Variants in DZIP3 observed in about 807,000 individuals in gnomAD.
DZIP3 encodes DAZ interacting zinc finger protein 3.
DZIP3 carries 118 observed loss-of-function variants against 162.0 expected under a neutral mutation model. The observed-to-expected ratio is 0.73, with a 90% CI of 0.63 to 0.85. The LOEUF is 0.85. Ranked by LOEUF, DZIP3 falls within the 40% of genes least tolerant of loss-of-function variation. The pLI, the probability that DZIP3 is intolerant of heterozygous loss-of-function variation, is 0.00. For synonymous variants in DZIP3, 438 were observed against 458.6 expected (o/e 0.96, Z 0.57); for missense variants, 1,331 against 1,407.0 (o/e 0.95, Z 0.86).
chr3:108,636,664 G>A lies in DZIP3; in HGVS notation c.967G>A (p.Val323Ile). 1.3e-6 allele frequency: 2 copies of A among 1,585,866 alleles called. No individual in the cohort carries two copies. Among genetic ancestry groups the A allele is most frequent in the Non-Finnish European group, 1.7e-6 (2 of 1,171,076 alleles). ...CLKEGCTGDM[V>I]RMLQCDVPGI... is the part of the protein sequence containing the mutation. ...GAAGGAAGGATGTACAGGTGACATG[G>A]TAAGGATGCTGCAATGTGATGTACC... Residue 323 changes from valine to isoleucine, a missense_variant, in exon 11 of 33, where the codon GTA becomes ATA. Physicochemically the swap from Val to Ile is conservative, Grantham distance 29. This residue lies in a region of DZIP3 where 1,278 missense variants were observed against 1,317.1 expected (regional missense o/e 0.97). Coordinates refer to ENST00000361582, the MANE Select transcript of DZIP3 (RefSeq NM_014648.4).
chr3:108,681,736 A>ATAGTCCAGTCTATCCATTGT (rs1559783248), intron 26 of DZIP3, among the ~76,000 whole-genome samples: 3 of 144,294 alleles, frequency 2.1e-5, no homozygotes, highest in Admixed American at 6.7e-5. Context: ...TACACCATGG[A>ATAGTCCAGTCTATCCATTGT]ATACTCTGCC....
intron 1 of DZIP3, among the ~76,000 whole-genome samples, chr3:108,603,923 G>T (rs1940175866): frequency 6.6e-6 from 1 of 152,076 alleles, no homozygotes; most frequent in Non-Finnish European, 1.5e-5. Flanking sequence ...CAGACCTCAG[G>T]GTGTTTTAGA....
intron 26 of DZIP3, among the ~76,000 whole-genome samples, chr3:108,680,796 G>A (rs1356958145): frequency 6.6e-6 from 1 of 151,976 alleles, no homozygotes; most frequent in Non-Finnish European, 1.5e-5. Flanking sequence ...CAGAAATAAC[G>A]CCACACATTT....
chr3:108,661,149 G>A (rs1477593165), intron 19 of DZIP3, among the ~76,000 whole-genome samples: 1 of 152,246 alleles, frequency 6.6e-6, no homozygotes, highest in Non-Finnish European at 1.5e-5. Context: ...ATACCCAAAG[G>A]ATTATAAATC....
intron 8 of DZIP3, among the ~76,000 whole-genome samples, chr3:108,631,043 A>ACTCTCTCTCTCTCT: frequency 1.1e-5 from 1 of 90,292 alleles, no homozygotes; most frequent in African/African-American, 5.1e-5. Context: ...ACACACACAC[A>ACTCTCTCTCTCTCT]CACACACACA....
rs564059785 is a variant in DZIP3, at chr3:108,616,648, C to T, written c.366C>T (p.Gly122=). The change falls in exon 5 of 33, where the codon GGC becomes GGT. Residue 122 remains glycine, a synonymous_variant. Transcript: ENST00000361582. The part of the protein sequence containing the change: ...LEAALRNIQA[G]NYTAHQINIG... ...CAGCACTTAGGAACATTCAAGCTGG[C>T]AATTATACCGTAAGTGTTTTCTTTT... 9.5e-6 allele frequency: 15 copies of T among 1,579,704 alleles called. No individual in the cohort carries two copies. The highest frequency in any genetic ancestry group is 2.4e-5 in the East Asian group (1 of 42,116).
At chr3:108,634,564 A>C (rs927576860) in intron 9 of DZIP3, among the ~76,000 whole-genome samples, 3 of 152,090 alleles carry the variant, frequency 2.0e-5, no homozygotes, top group African/African-American at 7.2e-5. Flanking sequence ...GAAGATGGGT[A>C]GGTAGCATGT....
chr3:108,678,003 T>C (rs1049382090), intron 26 of DZIP3, among the ~76,000 whole-genome samples: 1 of 152,004 alleles, frequency 6.6e-6, no homozygotes, highest in Non-Finnish European at 1.5e-5. Flanking sequence ...AGCAAAACTT[T>C]ATCTGTATGT....
intron 25 of DZIP3, among the ~76,000 whole-genome samples, chr3:108,676,682 G>A (rs1944122811): frequency 6.6e-6 from 1 of 151,698 alleles, no homozygotes; most frequent in Non-Finnish European, 1.5e-5. Context: ...CTCCCTTGGG[G>A]GTTTTCACTG....
chr3:108,686,540 G>C lies in DZIP3; in HGVS notation c.3105G>C (p.Glu1035Asp). ...LRSDPSIMNWERITDRLKTAF... is the reference protein window; with the variant it reads ...LRSDPSIMNWDRITDRLKTAF... ...GTGATCCCTCCATCATGAATTGGGA[G>C]AGAATTACAGACAGGCTGAAAACTG... The change falls in exon 28 of 33, where the codon GAG becomes GAC. Residue 1035 changes from glutamate to aspartate, a missense_variant. Physicochemically the swap from Glu to Asp is conservative, Grantham distance 45 (BLOSUM62 2). This residue lies in a region of DZIP3 where 1,278 missense variants were observed against 1,317.1 expected (regional missense o/e 0.97). Coordinates refer to ENST00000361582, the MANE Select transcript of DZIP3 (RefSeq NM_014648.4). 2 of 1,611,414 alleles carry C rather than the reference G, an allele frequency of 1.2e-6. No homozygotes were observed. Among genetic ancestry groups the C allele is most frequent in the South Asian group, 1.1e-5 (1 of 90,668 alleles).
At position 108,631,053 on chromosome 3, in the gene DZIP3, A is replaced by ACT. The variant is rs1559741298; in HGVS notation, c.696+1878_696+1879insTC. Reference sequence around the variant, plus strand: ...CACACACACACACACACACACACACACACTCTCTCTCTCTCTCTCTCTCTC... The same window carrying ACT: ...CACACACACACACACACACACACACACTCACTCTCTCTCTCTCTCTCTCTCTC... On this transcript the variant is annotated intron_variant, in intron 8 of 32. Transcript: ENST00000361582. 8.4e-4 allele frequency among the ~76,000 whole-genome samples: 27 copies of ACT among 32,286 alleles called. No homozygotes were observed. The East Asian group carries it at 0.01, about 12-fold the overall frequency. 21.2% of individuals were successfully genotyped at this position (32,286 alleles called of 152,430 possible).
chr3:108,675,771 C>G lies in DZIP3; in HGVS notation c.2694-15C>G. The G allele has an allele frequency of 6.3e-7, 1 of 1,588,712 alleles. No individual in the cohort carries two copies. Among genetic ancestry groups the G allele is most frequent in the Non-Finnish European group, 8.5e-7 (1 of 1,171,710 alleles). On this transcript the variant is annotated splice_polypyrimidine_tract_variant and intron_variant, in intron 24 of 32. Transcript: ENST00000361582. ...AAAGAAAGAGTTTTCTTTTGTGTCT[C>G]CTTTTCTACAACAGCAACCTAGAAT... is the stretch of plus-strand genomic sequence containing the variant.
At chr3:108,662,011 G>A in intron 20 of DZIP3, 39 bp downstream of exon 20, 1 of 1,597,558 alleles carries the variant, frequency 6.3e-7, no homozygotes, top group Non-Finnish European at 8.5e-7. Context: ...GAAGTGAGAA[G>A]TATTTCAAAT....
chr3:108,591,431 C>T (rs1939412931), intron 1 of DZIP3, among the ~76,000 whole-genome samples: 1 of 152,224 alleles, frequency 6.6e-6, no homozygotes, highest in South Asian at 2.1e-4. Flanking sequence ...AGCATCGTCC[C>T]CATTCAGAGG....
intron 12 of DZIP3, among the ~76,000 whole-genome samples, chr3:108,638,806 A>G (rs1942268551): frequency 6.6e-6 from 1 of 152,202 alleles, no homozygotes. Context: ...CAAAAATTGG[A>G]ATATATAACT....
chr3:108,639,446 C>A (rs1019149163), intron 12 of DZIP3, among the ~76,000 whole-genome samples: 1 of 152,128 alleles, frequency 6.6e-6, no homozygotes, highest in Non-Finnish European at 1.5e-5. Context: ...GATCTTTTGG[C>A]CTTAGTTGAG....
At chr3:108,634,794 A>G (rs765759570) in intron 9 of DZIP3, 77 bp from the exon 10 acceptor site, 34 of 722,860 alleles carry the variant, frequency 4.7e-5, no homozygotes, top group East Asian at 2.6e-4. Flanking sequence ...ATAATTTTTA[A>G]AGTGACAATA....
At chr3:108,615,461 G>C (rs1173140732) in intron 4 of DZIP3, among the ~76,000 whole-genome samples, 1 of 152,092 alleles carries the variant, frequency 6.6e-6, no homozygotes, top group Non-Finnish European at 1.5e-5. Flanking sequence ...ATGATACTGG[G>C]TTACTTTACC....
intron 5 of DZIP3, among the ~76,000 whole-genome samples, chr3:108,619,737 C>T (rs767550246): frequency 2.0e-5 from 3 of 152,110 alleles, no homozygotes; most frequent in South Asian, 2.1e-4. Flanking sequence ...TCTGGAAACA[C>T]GCTCAGAGAC....
Sources: gnomAD v4.1 joint callset for allele counts (sites outside exome capture counted in the v4.1 genomes callset) on GRCh38, gnomAD v4.1.1 for gene constraint, gnomAD v4.1.1 regional missense constraint, MANE v1.5 for transcripts, NCBI Gene and HGNC (gene_info 2026-07-23, HGNC 2026-07-21) for gene names.